CNTN3: variants seen among roughly 807,000 people sequenced by gnomAD.
CNTN3 encodes contactin 3.
CNTN3 carries 60 observed loss-of-function variants against 119.1 expected under a neutral mutation model. The ratio of observed to expected loss-of-function variants is 0.50; its 90% CI spans 0.41 to 0.62. The LOEUF (loss-of-function observed/expected upper bound fraction) is 0.62. Among genes scored for constraint, CNTN3 ranks in the 20% least tolerant of loss-of-function variants. The pLI is 0.00. For synonymous variants in CNTN3, 450 were observed against 438.7 expected (o/e 1.03, Z -0.32); for missense variants, 1,101 against 1,242.4 (o/e 0.89, Z 1.71).
chr3:74,430,332 C>T (rs1355852531), intron 4 of CNTN3, among the ~76,000 whole-genome samples: 1 of 152,176 alleles, frequency 6.6e-6, no homozygotes, highest in Non-Finnish European at 1.5e-5. Flanking sequence ...AATCTTTATA[C>T]ACCCAACCCC....
intron 4 of CNTN3, among the ~76,000 whole-genome samples, chr3:74,447,056 T>C (rs1401331289): frequency 2.0e-5 from 3 of 152,198 alleles, no homozygotes; most frequent in Non-Finnish European, 4.4e-5. Context: ...AGTGTACAGA[T>C]GGCACACTTC....
chr3:74,352,766 T>A (rs778549817), intron 11 of CNTN3, among the ~76,000 whole-genome samples: 1 of 152,112 alleles, frequency 6.6e-6, no homozygotes, highest in Non-Finnish European at 1.5e-5. Context: ...ACATATGAAA[T>A]AAAATTCTCC....
At chr3:74,428,874 T>C (rs902838587) in intron 4 of CNTN3, among the ~76,000 whole-genome samples, 3 of 152,212 alleles carry the variant, frequency 2.0e-5, no homozygotes, top group Admixed American at 2.0e-4. Flanking sequence ...ACATTTTCTA[T>C]GCTTAGATAT....
intron 4 of CNTN3, among the ~76,000 whole-genome samples, chr3:74,448,398 T>C (rs1013846755): frequency 1.3e-5 from 2 of 152,200 alleles, no homozygotes; most frequent in African/African-American, 4.8e-5. Context: ...ACTATGATGA[T>C]GTAAACATGA....
rs116556051 is a variant in CNTN3 at position 74,479,401 on chromosome 3, T to A, written c.358+7055A>T. 5.5e-3 allele frequency among the ~76,000 whole-genome samples: 843 copies of A among 152,168 alleles called. 22 individuals are homozygous for A. Among genetic ancestry groups the A allele is most frequent in the East Asian group, 0.032 (167 of 5,160 alleles). ...CCCTAGAGAAATACAGGCCTCTCTA[T>A]ACAAGATACCACAAATCAGAATGTC... On this transcript the variant is annotated intron_variant, in intron 4 of 22. Coordinates refer to ENST00000263665, the MANE Select transcript of CNTN3 (RefSeq NM_020872.3).
At chr3:74,332,209 G>A (rs1703282083) in intron 13 of CNTN3, among the ~76,000 whole-genome samples, 1 of 152,196 alleles carries the variant, frequency 6.6e-6, no homozygotes, top group Non-Finnish European at 1.5e-5. Flanking sequence ...GTATTAATGT[G>A]CATGCTGCAA....
Position 74,369,293 on chromosome 3 carries a change from A to G in CNTN3, c.842T>C (p.Val281Ala). The G allele has an allele frequency of 1.2e-6, 2 of 1,611,142 alleles. No individual in the cohort carries two copies. Among genetic ancestry groups the G allele is most frequent in the Non-Finnish European group, 1.7e-6 (2 of 1,178,606 alleles). ...CTGTTGGAAGTTGGGGATTTCAAGC[A>G]CACCACTGAACTTCCTTAATTTAAT... Reference protein sequence around the residue: ...SKIKLRKFSGVLEIPNFQQED... With the variant: ...SKIKLRKFSGALEIPNFQQED... The change falls in exon 8 of 23, where the codon GTG becomes GCG. Residue 281 changes from valine (V) to alanine (A), a missense_variant. Transcript: ENST00000263665.
chr3:74,525,291 T>C (rs1326490090), intron 1 of CNTN3, among the ~76,000 whole-genome samples: 1 of 151,940 alleles, frequency 6.6e-6, no homozygotes, highest in Non-Finnish European at 1.5e-5. Context: ...CACACATGCA[T>C]ACACTGTAAA....
At chr3:74,371,533 G>A (rs1213916124) in intron 5 of CNTN3, 134 bp from the exon 6 acceptor site, 1 of 641,842 alleles carries the variant, frequency 1.6e-6, no homozygotes, top group African/African-American at 1.8e-5. Flanking sequence ...GCCATGAAGA[G>A]AAGCAGTTAA....
chr3:74,537,247 C>T (rs376465629), intron 1 of CNTN3, among the ~76,000 whole-genome samples: 13 of 152,230 alleles, frequency 8.5e-5, no homozygotes, highest in African/African-American at 3.1e-4. Context: ...AAAAGCCTAT[C>T]ATGGTGCCCA....
chr3:74,587,265 T>G (rs559981168), intron 1 of CNTN3, among the ~76,000 whole-genome samples: 16 of 152,208 alleles, frequency 1.1e-4, no homozygotes, highest in African/African-American at 3.4e-4. Flanking sequence ...CAAATGTCAT[T>G]GTTTTCCTCC....
chr3:74,602,970 A>AGT (rs1704935716), intron 1 of CNTN3, among the ~76,000 whole-genome samples: 1 of 152,136 alleles, frequency 6.6e-6, no homozygotes, highest in South Asian at 2.1e-4. Flanking sequence ...TTTATTGAGG[A>AGT]GTGCTCTTGA....
chr3:74,434,532 A>C (rs370301725), intron 4 of CNTN3, among the ~76,000 whole-genome samples: 14 of 152,200 alleles, frequency 9.2e-5, no homozygotes, highest in African/African-American at 3.4e-4. Context: ...GTTTCCTTTC[A>C]ATTTTTAACT....
At chr3:74,362,839 T>C (rs1704106360) in intron 10 of CNTN3, among the ~76,000 whole-genome samples, 1 of 152,216 alleles carries the variant, frequency 6.6e-6, no homozygotes, top group South Asian at 2.1e-4. Flanking sequence ...TTTATTTGAT[T>C]AGTGGAAATC....
At chr3:74,449,339 G>A (rs1041242589) in intron 4 of CNTN3, among the ~76,000 whole-genome samples, 1 of 151,948 alleles carries the variant, frequency 6.6e-6, no homozygotes, top group Non-Finnish European at 1.5e-5. Context: ...GCAGTACAGA[G>A]TTTAAATCTG....
chr3:74,385,227 C>T (rs1257983278), intron 5 of CNTN3, among the ~76,000 whole-genome samples: 1 of 152,180 alleles, frequency 6.6e-6, no homozygotes. Flanking sequence ...TGAGAACAGT[C>T]TTAGGAACAA....
intron 1 of CNTN3, among the ~76,000 whole-genome samples, chr3:74,587,599 G>A (rs964842500): frequency 4.6e-5 from 7 of 152,028 alleles, no homozygotes; most frequent in African/African-American, 1.4e-4. Context: ...TTAACCTGTT[G>A]TACTGATACA....
chr3:74,398,742 G>A (rs1399690934), intron 5 of CNTN3, among the ~76,000 whole-genome samples: 1 of 152,150 alleles, frequency 6.6e-6, no homozygotes, highest in Non-Finnish European at 1.5e-5. Context: ...CATACTATTA[G>A]CCAGGCCTTA....
intron 20 of CNTN3, among the ~76,000 whole-genome samples, chr3:74,278,182 C>A (rs1335949817): frequency 6.6e-6 from 1 of 152,020 alleles, no homozygotes; most frequent in African/African-American, 2.4e-5. Context: ...TGAAAATGAT[C>A]ATACTACCAA....
Sources: allele counts gnomAD v4.1 joint callset (sites outside exome capture counted in the v4.1 genomes callset), GRCh38; gene constraint gnomAD v4.1.1; transcripts MANE v1.5; gene names NCBI Gene and HGNC (gene_info 2026-07-23, HGNC 2026-07-21).